LARP4B: variants seen among roughly 807,000 people sequenced by gnomAD.
The protein encoded by LARP4B is La ribonucleoprotein 4B.
Under a neutral mutation model 89.8 loss-of-function variants are expected in LARP4B, and 12 were observed. The observed-to-expected ratio is 0.13, with a 90% CI of 0.09 to 0.22. The LOEUF (loss-of-function observed/expected upper bound fraction) is 0.22, where lower values mean the gene tolerates loss of function less well. LARP4B is among the 10% of genes least tolerant of loss of function. The pLI, the probability that LARP4B is intolerant of heterozygous loss-of-function variation, is 1.00. For synonymous variants in LARP4B, 367 were observed against 363.3 expected, an observed-to-expected ratio of 1.01 and a Z score of -0.12; for missense variants, 757 against 947.7, an observed-to-expected ratio of 0.80 and a Z score of 2.64.
Position 815,086 on chromosome 10 carries a change from G to A in LARP4B, c.1696-16C>T. 6.5e-7 allele frequency: 1 copy of A among 1,542,562 alleles called. No homozygotes were observed. Among genetic ancestry groups the A allele is most frequent in the Middle Eastern group, 1.8e-4 (1 of 5,680 alleles). ...CACTGAGGGTCTGAAACAGGGTCAA[G>A]AGTGTTCATCAGAGTCCTGCCGGCA... On this transcript the variant is annotated splice_polypyrimidine_tract_variant and intron_variant, in intron 15 of 17. Coordinates refer to ENST00000316157, the MANE Select transcript of LARP4B (RefSeq NM_015155.3).
In LARP4B at chr10:906,587, A is replaced by T. The variant is rs1363854173; in HGVS notation, c.-39-20827T>A. ...AGGAGTCTACCTCCTTGTCTCCTTGAGTTATGCTCCTGTGCTCCCAGTTTC... is the reference window on the plus strand; with the variant it reads ...AGGAGTCTACCTCCTTGTCTCCTTGTGTTATGCTCCTGTGCTCCCAGTTTC... On this transcript the variant is annotated intron_variant, in intron 1 of 17. Transcript: ENST00000316157. Among the ~76,000 whole-genome samples, 9 of 152,308 alleles carry T rather than the reference A, an allele frequency of 5.9e-5. No individual in the cohort carries two copies. The East Asian group carries it at 9.6e-4, about 16-fold the overall frequency.
At chr10:833,510 A>T (rs757301373) in intron 8 of LARP4B, among the ~76,000 whole-genome samples, 10 of 152,180 alleles carry the variant, frequency 6.6e-5, no homozygotes, top group Admixed American at 3.9e-4. Context: ...CAAAACAGAA[A>T]ACAAACAGCA....
At chr10:870,470 AG>A (rs898584305) in intron 3 of LARP4B, among the ~76,000 whole-genome samples, 1 of 152,178 alleles carries the variant, frequency 6.6e-6, no homozygotes, top group African/African-American at 2.4e-5. Context: ...TCTGTCCGCT[AG>A]GGTGGGATCA....
chr10:926,269 A>T (rs1438693774), intron 1 of LARP4B, among the ~76,000 whole-genome samples: 1 of 152,254 alleles, frequency 6.6e-6, no homozygotes, highest in Non-Finnish European at 1.5e-5. Flanking sequence ...AGAGAAGCAT[A>T]ATCTCAGAAG....
At position 841,978 on chromosome 10, in the gene LARP4B, G is replaced by GA. The variant is rs574602848; in HGVS notation, c.646+953dup. 9.6e-4 allele frequency among the ~76,000 whole-genome samples: 136 copies of GA among 142,396 alleles called. 1 individual carries two copies. The highest frequency in any genetic ancestry group is 1.1e-3 in the South Asian group (5 of 4,526). 93.4% of individuals were successfully genotyped at this position (142,396 alleles called of 152,430 possible). ...CTACTGTAAAGTCAAATTCATACAA[G>GA]AAAAAAAAAAAACCTGCACAGACTG... On this transcript the variant is annotated intron_variant, in intron 7 of 17. Coordinates refer to ENST00000316157, the MANE Select transcript of LARP4B (RefSeq NM_015155.3).
chr10:969,066 A>G, the LARP4B span, among the ~76,000 whole-genome samples: 3 of 152,220 alleles, frequency 2.0e-5, no homozygotes, highest in South Asian at 6.2e-4. Context: ...ACAAGTGCAG[A>G]CTGAGATAAG....
chr10:843,001 T>C lies in LARP4B; in HGVS notation c.577A>G (p.Thr193Ala), dbSNP rs1239032185. ...TTGATGTGGTCGAGGTTAGCCACCG[T>C]TGTGATTGGCACATACTGGTCACTA... ...MDSDQYVPIT[T>A]VANLDHIKKL... Residue 193 changes from threonine to alanine, a missense_variant, in exon 7 of 18, where the codon ACG becomes GCG. By Grantham distance (58) the Thr-to-Ala change is moderately conservative (BLOSUM62 0). Coordinates refer to ENST00000316157, the MANE Select transcript of LARP4B (RefSeq NM_015155.3). 3.1e-6 allele frequency: 5 copies of C among 1,613,976 alleles called. No homozygotes were observed. The highest frequency in any genetic ancestry group is 2.7e-5 in the African/African-American group (2 of 74,944).
intron 1 of LARP4B, among the ~76,000 whole-genome samples, chr10:921,509 C>T (rs1588992232): frequency 6.6e-6 from 1 of 151,866 alleles, no homozygotes. Flanking sequence ...CAGGGGGACG[C>T]GGGGAGGGGG....
At chr10:924,003 A>C (rs1468247911) in intron 1 of LARP4B, among the ~76,000 whole-genome samples, 4 of 152,042 alleles carry the variant, frequency 2.6e-5, no homozygotes, top group Non-Finnish European at 4.4e-5. Context: ...TAATCCCAAC[A>C]CTCTGGGACT....
chr10:852,025 AC>A (rs1834080505), intron 5 of LARP4B, among the ~76,000 whole-genome samples: 1 of 152,182 alleles, frequency 6.6e-6, no homozygotes, highest in African/African-American at 2.4e-5. Flanking sequence ...TGATGATGCT[AC>A]TGCACTCAAG....
Position 822,431 on chromosome 10 carries a change from C to G in LARP4B, c.1485-1586G>C, listed in dbSNP as rs1344254838. 1.3e-5 allele frequency among the ~76,000 whole-genome samples: 2 copies of G among 152,232 alleles called. No homozygotes were observed. Among genetic ancestry groups the G allele is most frequent in the Admixed American group, 6.5e-5 (1 of 15,286 alleles). ...GCAGGGGCACCCATCCCTTGGAACA[C>G]AGCGGTGTCCAGGACACAGACCTGC... On this transcript the variant is annotated intron_variant, in intron 13 of 17. Coordinates refer to ENST00000316157, the MANE Select transcript of LARP4B (RefSeq NM_015155.3). The surrounding 1 kb of genome is among the most constrained non-coding windows in gnomAD (Gnocchi z 4.6).
chr10:907,233 G>A (rs1234719751), intron 1 of LARP4B, among the ~76,000 whole-genome samples: 1 of 152,184 alleles, frequency 6.6e-6, no homozygotes, highest in Non-Finnish European at 1.5e-5. Flanking sequence ...TAAAATCTCA[G>A]TAAATACATT....
chr10:895,048 T>A (rs976279007), intron 1 of LARP4B, among the ~76,000 whole-genome samples: 2 of 152,118 alleles, frequency 1.3e-5, no homozygotes, highest in African/African-American at 4.8e-5. Context: ...TAGCTGCGCA[T>A]GGCGGCGTGT....
intron 3 of LARP4B, among the ~76,000 whole-genome samples, chr10:879,264 C>T (rs760287114): frequency 2.0e-5 from 3 of 152,198 alleles, no homozygotes; most frequent in East Asian, 1.9e-4. Context: ...CGTCTCAGCA[C>T]GAATACATTC....
At chr10:889,675 C>A (rs1835959095) in intron 1 of LARP4B, among the ~76,000 whole-genome samples, 1 of 152,196 alleles carries the variant, frequency 6.6e-6, no homozygotes, top group Admixed American at 6.5e-5. Context: ...TTTTCCCAAA[C>A]AACGTAAGAA....
intron 14 of LARP4B, chr10:820,571 G>C: frequency 2.0e-6 from 1 of 504,918 alleles, no homozygotes; most frequent in Non-Finnish European, 3.5e-6. Context: ...AGCACAACAC[G>C]CCTGTGCACT....
chr10:943,337 A>G, the LARP4B span, among the ~76,000 whole-genome samples: 3 of 152,100 alleles, frequency 2.0e-5, no homozygotes, highest in Non-Finnish European at 4.4e-5. Flanking sequence ...TGTCACCTCC[A>G]TCCATCTGTG....
rs750619266 is a variant in LARP4B at position 844,961 on chromosome 10, C to A, written c.509+16G>T. 8.8e-6 allele frequency: 14 copies of A among 1,592,134 alleles called. 1 individual carries two copies. In the South Asian group the frequency reaches 1.6e-4, roughly 18 times the overall value. On this transcript the variant is annotated intron_variant, in intron 6 of 17. Coordinates refer to ENST00000316157, the MANE Select transcript of LARP4B (RefSeq NM_015155.3). ...CTAGAAATATCAGGTACTAGAAAAA[C>A]CACCACCAGCCTTACCTAGATAAGC...
chr10:983,261 C>T, the LARP4B span, among the ~76,000 whole-genome samples: 54 of 152,326 alleles, frequency 3.5e-4, no homozygotes, highest in African/African-American at 9.6e-4. Flanking sequence ...GGAGCTGAGA[C>T]GGAAACATTT....
Sources: allele counts gnomAD v4.1 joint callset (sites outside exome capture counted in the v4.1 genomes callset), GRCh38; gene constraint gnomAD v4.1.1; non-coding constraint Gnocchi (gnomAD v3.1); transcripts MANE v1.5; gene names NCBI Gene and HGNC (gene_info 2026-07-23, HGNC 2026-07-21).